SLC25A38: variants seen among roughly 807,000 people sequenced by gnomAD.
The protein encoded by SLC25A38 is mitochondrial glycine transporter.
A neutral mutation model predicts 33.4 loss-of-function variants in SLC25A38; 27 were observed. That is an observed-to-expected ratio of 0.81 (90% CI 0.60 to 1.11). SLC25A38 has a LOEUF of 1.11. SLC25A38 is among the 50% of genes most tolerant of loss of function. The probability of loss-of-function intolerance (pLI) is 0.00; values close to 1 mark genes in which losing one functional copy is unlikely to be tolerated. For missense variants in SLC25A38, 344 were observed against 388.8 expected, an observed-to-expected ratio of 0.88 and a Z score of 0.97; for synonymous variants, 123 against 145.9, an observed-to-expected ratio of 0.84 and a Z score of 1.13.
chr3:39,383,380 C>T lies in SLC25A38; in HGVS notation c.-345C>T, dbSNP rs1164346966. On this transcript the variant is annotated 5_prime_UTR_variant, in exon 1 of 7. Coordinates refer to ENST00000650617, the MANE Select transcript of SLC25A38 (RefSeq NM_017875.4). ...AATCTCCCCTTCTACAGAGTTCCTC[C>T]GGCGCTTCCTCCACCCCGGGATACA... 1.6e-5 allele frequency: 5 copies of T among 308,020 alleles called. No individual in the cohort carries two copies. The highest frequency in any genetic ancestry group is 3.2e-5 in the Non-Finnish European group (5 of 158,618). 19.1% of individuals were successfully genotyped at this position (308,020 alleles called of 1,614,324 possible). A position where few individuals can be genotyped will look rare whatever the true frequency, so the allele number is the denominator to read the frequency against.
rs2041674821 is a variant in SLC25A38, at chr3:39,383,768, T to A, written c.44T>A (p.Val15Asp). ...SRPSLLQPQDVGDTVETLMLH... is the reference protein window; with the variant it reads ...SRPSLLQPQDDGDTVETLMLH... The stretch of plus-strand genomic sequence containing the variant: ...CCGTCGCTGCTGCAACCCCAAGATG[T>A]CGGAGACACGGTGGAAACGCTTATG... The change falls in exon 1 of 7, where the codon GTC (valine) becomes GAC (aspartate). Residue 15 changes from valine (V) to aspartate (D), a missense_variant. Val to Asp is a radical substitution (Grantham distance 152). Transcript: ENST00000650617. 1.2e-6 allele frequency: 2 copies of A among 1,613,858 alleles called. No homozygotes were observed. Among genetic ancestry groups the A allele is most frequent in the Non-Finnish European group, 1.7e-6 (2 of 1,179,972 alleles).
chr3:39,393,833 A>G (rs543416360), intron 5 of SLC25A38, among the ~76,000 whole-genome samples: 6 of 152,298 alleles, frequency 3.9e-5, no homozygotes, highest in Admixed American at 3.9e-4. Flanking sequence ...TAATTGTCCC[A>G]ATAATGTACT....
intron 5 of SLC25A38, 61 bp from the exon 6 acceptor site, chr3:39,394,349 A>G (rs1231984301): frequency 1.3e-5 from 21 of 1,605,556 alleles, no homozygotes; most frequent in Non-Finnish European, 1.6e-5. Context: ...GGCAACTTGC[A>G]CTGACCTTTA....
rs144319567 is a variant in SLC25A38, at chr3:39,389,586, G to A, written c.161G>A (p.Arg54His). The change falls in exon 2 of 7, where the codon CGC (arginine) becomes CAC (histidine). Residue 54 changes from arginine (R) to histidine (H), a missense_variant. This residue lies in a region of SLC25A38 where 269 missense variants were observed against 271.8 expected (regional missense o/e 0.99). Transcript: ENST00000650617. The surrounding 1 kb of genome is among the most constrained non-coding windows in gnomAD (Gnocchi z 4.5). ...LFQPLDLLKT[R>H]LQTLQPSDHG... ...CAACCTCTGGATCTCCTTAAAACAC[G>A]CCTGCAAACCCTCCAGCCCTCAGAT... The A allele has an allele frequency of 6.5e-4, 1,049 of 1,613,932 alleles. No individual in the cohort carries two copies. The highest frequency in any genetic ancestry group is 8.3e-4 in the Non-Finnish European group (980 of 1,180,016).
At chr3:39,396,247 C>T (rs946285336) in intron 6 of SLC25A38, 151 bp from the exon 7 acceptor site, 7 of 1,294,492 alleles carry the variant, frequency 5.4e-6, no homozygotes, top group Non-Finnish European at 7.6e-6. Context: ...CTTTGGTTGT[C>T]TCCTTGGACC....
Position 39,397,002 on chromosome 3 carries a change from G to A in SLC25A38, c.*482G>A. 1 of 224,590 alleles carries A rather than the reference G, an allele frequency of 4.5e-6. No homozygotes were observed. The highest frequency in any genetic ancestry group is 9.0e-6 in the Non-Finnish European group (1 of 110,588). 13.9% of individuals were successfully genotyped at this position (224,590 alleles called of 1,614,324 possible). On this transcript the variant is annotated 3_prime_UTR_variant, in exon 7 of 7. Coordinates refer to ENST00000650617, the MANE Select transcript of SLC25A38 (RefSeq NM_017875.4). ...CACAGACTGACTGAGGTGATGGTAG[G>A]ATGAGGAGGAACAGATGCCCTTCTT... is the stretch of plus-strand genomic sequence containing the variant.
At chr3:39,384,292 GGT>G (rs1418015094) in intron 1 of SLC25A38, 5 of 201,926 alleles carry the variant, frequency 2.5e-5, no homozygotes, top group African/African-American at 1.1e-4. Flanking sequence ...GACGGCGCGT[GGT>G]CCCCCAGCGA....
intron 5 of SLC25A38, among the ~76,000 whole-genome samples, chr3:39,393,273 G>A (rs777767154): frequency 9.9e-5 from 15 of 151,730 alleles, no homozygotes; most frequent in Non-Finnish European, 2.1e-4. Context: ...CAGCCTGGGT[G>A]ACAAAGTGAG....
rs2041734096 is a variant in SLC25A38 at position 39,389,185 on chromosome 3, A to G, written c.70-310A>G. Among the ~76,000 whole-genome samples the G allele has an allele frequency of 6.6e-6, 1 of 152,214 alleles. No individual in the cohort carries two copies. ...TGCAAAGATAGGGAGATGACCAGTAACTTTTTGAGTCAGAACAAATAGGGA... is the reference window on the plus strand; with the variant it reads ...TGCAAAGATAGGGAGATGACCAGTAGCTTTTTGAGTCAGAACAAATAGGGA... On this transcript the variant is annotated intron_variant, in intron 1 of 6. Transcript: ENST00000650617. The surrounding 1 kb of genome is among the most constrained non-coding windows in gnomAD (Gnocchi z 4.5).
intron 1 of SLC25A38, chr3:39,384,444 C>T: frequency 2.6e-6 from 1 of 380,208 alleles, no homozygotes; most frequent in Non-Finnish European, 4.6e-6. Context: ...CGCTAAAGGC[C>T]TGAGGCCACT....
intron 1 of SLC25A38, chr3:39,384,471 T>A (rs2041686510): frequency 5.2e-6 from 2 of 382,900 alleles, no homozygotes; most frequent in East Asian, 3.7e-5. Flanking sequence ...GCCGCAGCTC[T>A]CCCTCTGAGG....
intron 1 of SLC25A38, among the ~76,000 whole-genome samples, chr3:39,385,520 C>T (rs918485800): frequency 1.3e-5 from 2 of 152,144 alleles, no homozygotes; most frequent in African/African-American, 4.8e-5. Context: ...GCAGGTCATT[C>T]CTATAGCCTT....
chr3:39,393,483 AG>A (rs2125582012), intron 5 of SLC25A38, among the ~76,000 whole-genome samples: 1 of 152,276 alleles, frequency 6.6e-6, no homozygotes, highest in Non-Finnish European at 1.5e-5. Flanking sequence ...TATGAAATTC[AG>A]GAAGTTTAAC....
At chr3:39,384,362 T>G in intron 1 of SLC25A38, 2 of 267,938 alleles carry the variant, frequency 7.5e-6, no homozygotes, top group Non-Finnish European at 1.4e-5. Flanking sequence ...GGGCCGCTAT[T>G]GGTGGAGGCG....
chr3:39,396,591 C>G lies in SLC25A38; in HGVS notation c.*71C>G, dbSNP rs1309125824. 6.2e-7 allele frequency: 1 copy of G among 1,611,454 alleles called. No homozygotes were observed. The highest frequency in any genetic ancestry group is 1.3e-5 in the African/African-American group (1 of 74,956). On this transcript the variant is annotated 3_prime_UTR_variant, in exon 7 of 7. Transcript: ENST00000650617. ...TTCTGCCAAGGGCTGCTGCTTCTTA[C>G]TATTCTGCAGTAAGATGAAGTCCTA...
chr3:39,384,239 A>G (rs1023253384), intron 1 of SLC25A38, among the ~76,000 whole-genome samples: 45 of 152,156 alleles, frequency 3.0e-4, no homozygotes, highest in Non-Finnish European at 5.7e-4. Flanking sequence ...GCGGCGGCCT[A>G]CCTGGAGGGG....
chr3:39,390,627 T>A, intron 3 of SLC25A38, 120 bp downstream of exon 3: 1 of 979,434 alleles, frequency 1.0e-6, no homozygotes, highest in Non-Finnish European at 1.6e-6. Context: ...AGTACCTATG[T>A]GGTCTTATCT....
intron 1 of SLC25A38, chr3:39,388,583 G>A (rs2041729169): frequency 6.6e-6 from 1 of 152,206 alleles, no homozygotes; most frequent in Admixed American, 6.5e-5. Context: ...CACTTAATAA[G>A]GGAAGAGGTC....
chr3:39,390,889 A>G (rs2041758642), intron 3 of SLC25A38, among the ~76,000 whole-genome samples: 1 of 152,176 alleles, frequency 6.6e-6, no homozygotes, highest in African/African-American at 2.4e-5. Context: ...CCCAAACCCA[A>G]ATCAGAAATC....
Sources: gnomAD v4.1 joint callset for allele counts (sites outside exome capture counted in the v4.1 genomes callset) on GRCh38, gnomAD v4.1.1 for gene constraint, gnomAD v4.1.1 regional missense constraint, Gnocchi (gnomAD v3.1) non-coding constraint, MANE v1.5 for transcripts, NCBI Gene and HGNC (gene_info 2026-07-23, HGNC 2026-07-21) for gene names.